MALRD1: variants seen among roughly 807,000 people sequenced by gnomAD.
MALRD1 encodes the protein MAM and LDL receptor class A domain containing 1.
Under a neutral mutation model 242.1 loss-of-function variants are expected in MALRD1, and 247 were observed. The ratio of observed to expected loss-of-function variants is 1.02; its 90% CI spans 0.92 to 1.13. The LOEUF (loss-of-function observed/expected upper bound fraction) is 1.13. Ranked by LOEUF, MALRD1 falls within the 50% of genes most tolerant of loss-of-function variation. The pLI, the probability that MALRD1 is intolerant of heterozygous loss-of-function variation, is 0.00. For missense variants in MALRD1, 2,989 were observed against 2,533.1 expected (o/e 1.18, Z -3.86); for synonymous variants, 995 against 866.6 (o/e 1.15, Z -2.60).
chr10:19,586,187 C>G (rs975046160), intron 33 of MALRD1, among the ~76,000 whole-genome samples: 9 of 152,250 alleles, frequency 5.9e-5, no homozygotes, highest in Middle Eastern at 3.4e-3. Flanking sequence ...TCCCATAGCT[C>G]GGAATAATTT....
intron 36 of MALRD1, among the ~76,000 whole-genome samples, chr10:19,692,065 G>A (rs1177713693): frequency 1.3e-5 from 2 of 152,072 alleles, no homozygotes; most frequent in Non-Finnish European, 2.9e-5. Context: ...TCAAGAAGAT[G>A]AATATTGAAG....
At chr10:19,527,661 A>T (rs1341108647) in intron 31 of MALRD1, among the ~76,000 whole-genome samples, 1 of 152,216 alleles carries the variant, frequency 6.6e-6, no homozygotes, top group Admixed American at 6.5e-5. Context: ...GAAATAACTT[A>T]TACAAACATA....
In MALRD1 at chr10:19,387,634, G is replaced by C; in HGVS notation, c.4548G>C (p.Glu1516Asp). The C allele has an allele frequency of 6.4e-7, 1 of 1,550,410 alleles. No homozygotes were observed. Among genetic ancestry groups the C allele is most frequent in the Non-Finnish European group, 8.7e-7 (1 of 1,146,886 alleles). Residue 1516 changes from glutamate (E) to aspartate (D), a missense_variant, in exon 27 of 40, where the codon GAG becomes GAC. Glu to Asp is a conservative substitution (Grantham distance 45). Coordinates refer to ENST00000454679, the MANE Select transcript of MALRD1 (RefSeq NM_001142308.3). ...GTGGAGATAATACTGATGAAAATGA[G>C]TGTGGTAGCTCCTGTACTTTTGAAA... ...DNCGDNTDEN[E>D]CGSSCTFEKG...
At chr10:19,580,385 G>A (rs1837052669) in intron 33 of MALRD1, among the ~76,000 whole-genome samples, 2 of 152,152 alleles carry the variant, frequency 1.3e-5, no homozygotes, top group South Asian at 2.1e-4. Context: ...TTTCAAGTCT[G>A]CAGCCTCTGT....
intron 19 of MALRD1, among the ~76,000 whole-genome samples, chr10:19,264,629 A>G (rs1005167310): frequency 6.6e-6 from 1 of 151,018 alleles, no homozygotes; most frequent in African/African-American, 2.4e-5. Flanking sequence ...AATTTTTTGT[A>G]CTTTTCGTAG....
intron 14 of MALRD1, among the ~76,000 whole-genome samples, chr10:19,183,737 G>A (rs941473815): frequency 6.6e-6 from 1 of 152,156 alleles, no homozygotes; most frequent in African/African-American, 2.4e-5. Flanking sequence ...GTAAATGAGA[G>A]AACAAGTTAT....
intron 8 of MALRD1, among the ~76,000 whole-genome samples, chr10:19,131,244 T>C (rs1298722521): frequency 1.3e-5 from 2 of 152,160 alleles, no homozygotes; most frequent in South Asian, 2.1e-4. Context: ...GAATGCTGTT[T>C]TGTGTTGTGA....
intron 32 of MALRD1, among the ~76,000 whole-genome samples, chr10:19,547,359 G>C (rs1273671128): frequency 2.0e-5 from 3 of 151,896 alleles, no homozygotes; most frequent in Non-Finnish European, 4.4e-5. Context: ...TGCCCGACTG[G>C]AACACAGGAA....
chr10:19,334,593 A>G (rs1218767617), intron 24 of MALRD1, among the ~76,000 whole-genome samples: 1 of 152,074 alleles, frequency 6.6e-6, no homozygotes, highest in Non-Finnish European at 1.5e-5. Flanking sequence ...AGTTATAGAT[A>G]TAGATGTCCT....
chr10:19,350,745 A>G (rs1347244252), intron 25 of MALRD1, among the ~76,000 whole-genome samples: 1 of 152,190 alleles, frequency 6.6e-6, no homozygotes, highest in African/African-American at 2.4e-5. Flanking sequence ...GAGACATAAA[A>G]CATATGCCTC....
chr10:19,358,700 A>G (rs1373896212), intron 26 of MALRD1, among the ~76,000 whole-genome samples: 1 of 152,176 alleles, frequency 6.6e-6, no homozygotes, highest in Non-Finnish European at 1.5e-5. Flanking sequence ...ATAGTAACAT[A>G]TAGCACTTTT....
chr10:19,278,252 A>T (rs1254425382), intron 19 of MALRD1, among the ~76,000 whole-genome samples: 2 of 152,208 alleles, frequency 1.3e-5, no homozygotes, highest in Non-Finnish European at 2.9e-5. Context: ...CTCATTGCCC[A>T]TAAAGACCTT....
chr10:19,399,238 A>G (rs1198365614), intron 28 of MALRD1, among the ~76,000 whole-genome samples: 1 of 152,186 alleles, frequency 6.6e-6, no homozygotes. Flanking sequence ...GTAAATTTCA[A>G]TTTAACTTCT....
At chr10:19,576,281 A>G (rs190449237) in intron 33 of MALRD1, among the ~76,000 whole-genome samples, 30 of 152,270 alleles carry the variant, frequency 2.0e-4, no homozygotes, top group Admixed American at 1.2e-3. Flanking sequence ...GGAGCATACC[A>G]CTTCCAATCC....
At chr10:19,552,506 T>C (rs1256854632) in intron 32 of MALRD1, among the ~76,000 whole-genome samples, 26 of 152,028 alleles carry the variant, frequency 1.7e-4, no homozygotes, top group Admixed American at 1.7e-3. Flanking sequence ...ACTTTATTAA[T>C]TTTTTTCAGA....
intron 26 of MALRD1, among the ~76,000 whole-genome samples, chr10:19,353,908 T>C (rs553057750): frequency 1.3e-5 from 2 of 152,140 alleles, no homozygotes; most frequent in Admixed American, 6.5e-5. Flanking sequence ...TGTTTTTTGG[T>C]AGAGATGAGT....
chr10:19,244,564 C>CAA (rs200232383), intron 18 of MALRD1, among the ~76,000 whole-genome samples: 3 of 147,294 alleles, frequency 2.0e-5, no homozygotes, highest in African/African-American at 7.5e-5. Context: ...GACCCTGTTT[C>CAA]AAAAAAACAA....
intron 2 of MALRD1, among the ~76,000 whole-genome samples, chr10:19,074,652 T>C (rs7088261): frequency 0.54 from 81,497 of 151,906 alleles, 21,998 homozygotes; most frequent in Middle Eastern, 0.61. Context: ...GGAATATTAA[T>C]AGTCAAGCTG....
chr10:19,500,350 A>G (rs1003797798), intron 31 of MALRD1, among the ~76,000 whole-genome samples: 1 of 152,236 alleles, frequency 6.6e-6, no homozygotes, highest in African/African-American at 2.4e-5. Flanking sequence ...GTCAGTAATT[A>G]GAAGGATTTA....
Sources: gnomAD v4.1 joint callset for allele counts (sites outside exome capture counted in the v4.1 genomes callset) on GRCh38, gnomAD v4.1.1 for gene constraint, MANE v1.5 for transcripts, NCBI Gene and HGNC (gene_info 2026-07-23, HGNC 2026-07-21) for gene names.